The following DENND10 variants were observed in gnomAD, a reference collection of about 807,000 sequenced individuals.
DENND10 encodes DENN domain containing 10.
In DENND10, 24 loss-of-function variants were observed where a neutral mutation model predicts 43.6. That is an observed-to-expected ratio of 0.55 (90% CI 0.40 to 0.77). The LOEUF is 0.77. Among genes scored for constraint, DENND10 ranks in the 30% least tolerant of loss-of-function variants. The pLI, the probability that DENND10 is intolerant of heterozygous loss-of-function variation, is 0.00. For missense variants in DENND10, 303 were observed against 429.9 expected, an observed-to-expected ratio of 0.70 and a Z score of 2.61; for synonymous variants, 125 against 157.6, an observed-to-expected ratio of 0.79 and a Z score of 1.55.
At position 119,107,978 on chromosome 10, in the gene DENND10, A is replaced by G; in HGVS notation, c.66A>G (p.Thr22=). Residue 22 remains threonine, a synonymous_variant, in exon 2 of 9, where the codon ACA becomes ACG. Coordinates refer to ENST00000361432, the MANE Select transcript of DENND10 (RefSeq NM_207009.4). ...ATCTTTCCACCGTAGAAAAGGACAC[A>G]AATGGAGAAGTTCTGTGGGTGTGGT... ...MLGVGLIEKD[T]NGEVLWVWCY... The G allele has an allele frequency of 6.2e-7, 1 of 1,614,088 alleles. No individual in the cohort carries two copies. Among genetic ancestry groups the G allele is most frequent in the Non-Finnish European group, 8.5e-7 (1 of 1,179,908 alleles).
intron 5 of DENND10, 50 bp downstream of exon 5, chr10:119,120,502 G>A (rs758680511): frequency 1.3e-5 from 15 of 1,146,274 alleles, no homozygotes; most frequent in Admixed American, 8.5e-5. Context: ...CAGACAGTTC[G>A]CAGCACTAGA....
rs1844787070 is a variant in DENND10, at chr10:119,108,141, C to A, written c.229C>A (p.Pro77Thr). 6.2e-7 allele frequency: 1 copy of A among 1,612,150 alleles called. No homozygotes were observed. Among genetic ancestry groups the A allele is most frequent in the South Asian group, 1.1e-5 (1 of 90,980 alleles). The change falls in exon 2 of 9, where the codon CCA becomes ACA. Residue 77 changes from proline (P) to threonine (T), a missense_variant. Transcript: ENST00000361432. ...GTTTTATATCACAACAATTGAAGTT[C>A]CAGATTCTTCCATTTTGAAAAAGGT... ...TWFYITTIEVPDSSILKKVTH... is the reference protein window; with the variant it reads ...TWFYITTIEVTDSSILKKVTH...
At chr10:119,111,569 A>G (rs1844976941) in intron 2 of DENND10, among the ~76,000 whole-genome samples, 1 of 152,068 alleles carries the variant, frequency 6.6e-6, no homozygotes, top group African/African-American at 2.4e-5. Context: ...GGGGACATTA[A>G]GTAGAAATGT....
At chr10:119,136,245 G>A (rs1339056629) in intron 8 of DENND10, among the ~76,000 whole-genome samples, 2 of 151,544 alleles carry the variant, frequency 1.3e-5, no homozygotes, top group Admixed American at 6.6e-5. Context: ...TGCCCAGGCT[G>A]GAGTGCAGTG....
At chr10:119,119,357 G>C (rs1031613665) in intron 4 of DENND10, among the ~76,000 whole-genome samples, 2 of 152,102 alleles carry the variant, frequency 1.3e-5, no homozygotes, top group Non-Finnish European at 2.9e-5. Flanking sequence ...GGCCAGGCTG[G>C]TCTCGAACTC....
intron 1 of DENND10, among the ~76,000 whole-genome samples, chr10:119,106,910 A>G (rs1844722421): frequency 6.6e-6 from 1 of 151,800 alleles, no homozygotes; most frequent in Non-Finnish European, 1.5e-5. Flanking sequence ...ATTAGCCAGG[A>G]GTGGTGGTGC....
At position 119,129,592 on chromosome 10, in the gene DENND10, A is replaced by G; in HGVS notation, c.772A>G (p.Ser258Gly). ...TGATGTGTTTGTGAATCTGGCAGAG[A>G]GTGAGATTACCATTGCTCCCCTTGC... ...LYDVFVNLAE[S>G]EITIAPLAKE... Residue 258 changes from serine (S) to glycine (G), a missense_variant, in exon 7 of 9, where the codon AGT becomes GGT. Ser to Gly is a moderately conservative substitution (Grantham distance 56). Transcript: ENST00000361432. 1 of 1,612,544 alleles carries G rather than the reference A, an allele frequency of 6.2e-7. No homozygotes were observed. Among genetic ancestry groups the G allele is most frequent in the East Asian group, 2.2e-5 (1 of 44,882 alleles).
intron 1 of DENND10, chr10:119,105,487 G>A (rs1844648903): frequency 8.6e-7 from 1 of 1,162,480 alleles, no homozygotes; most frequent in Non-Finnish European, 1.1e-6. Context: ...ATACCGACAT[G>A]TTGTCCAGGT....
chr10:119,119,582 AATTTTTAAAC>A (rs1204979407), intron 4 of DENND10, among the ~76,000 whole-genome samples: 8 of 151,686 alleles, frequency 5.3e-5, no homozygotes, highest in Non-Finnish European at 8.8e-5. Flanking sequence ...AGCCCCAGCT[AATTTTTAAAC>A]ATTTTTTAGA....
rs553511126 is a variant in DENND10, at chr10:119,133,809, A to C, written c.897+1200A>C. On this transcript the variant is annotated intron_variant, in intron 8 of 8. Coordinates refer to ENST00000361432, the MANE Select transcript of DENND10 (RefSeq NM_207009.4). ...CTTCTTTCCTACCATGGGAATCCTC[A>C]CTGCCCACCTACCCCCAACATTAGA... The C allele has an allele frequency of 1.3e-3, 197 of 152,354 alleles. 1 individual carries two copies. Among genetic ancestry groups the C allele is most frequent in the African/African-American group, 4.6e-3 (191 of 41,486 alleles). 9.4% of individuals were successfully genotyped at this position (152,354 alleles called of 1,614,324 possible).
intron 8 of DENND10, chr10:119,134,322 G>T: frequency 6.6e-6 from 1 of 150,768 alleles, no homozygotes; most frequent in South Asian, 2.1e-4. Context: ...TTACAGGCAT[G>T]AGCCACCACG....
Position 119,120,273 on chromosome 10 carries a change from GAAAA to G in DENND10, c.482-62_482-59del, listed in dbSNP as rs1030469152. ...AAAAAAAAAAGAAAAAAGAAAAAAAGAAAAAAAAATCTTTATTTCTTTGCATGAT... is the reference window on the plus strand; with the variant it reads ...AAAAAAAAAAGAAAAAAGAAAAAAAGAAAAATCTTTATTTCTTTGCATGAT... On this transcript the variant is annotated intron_variant, in intron 4 of 8. Transcript: ENST00000361432. The G allele has an allele frequency of 1.2e-5, 12 of 1,034,572 alleles. No individual in the cohort carries two copies. The East Asian group carries it at 2.5e-4, about 22-fold the overall frequency. 64.1% of individuals were successfully genotyped at this position (1,034,572 alleles called of 1,614,324 possible). A position where few individuals can be genotyped will look rare whatever the true frequency, so the allele number is the denominator to read the frequency against.
intron 2 of DENND10, among the ~76,000 whole-genome samples, chr10:119,108,635 T>A (rs1319933460): frequency 3.9e-5 from 6 of 152,058 alleles, no homozygotes; most frequent in Non-Finnish European, 8.8e-5. Context: ...AGTACAGCAA[T>A]ATGTGGTCTT....
rs1448986410 is a variant in DENND10, at chr10:119,132,687, A to G, written c.897+78A>G. The G allele has an allele frequency of 5.9e-6, 7 of 1,186,684 alleles. No homozygotes were observed. In the African/African-American group the frequency reaches 7.5e-5, roughly 13 times the overall value. 73.5% of individuals were successfully genotyped at this position (1,186,684 alleles called of 1,614,324 possible). ...TGGTGTGCGGCAGAGCTGTGCACAT[A>G]AGCAGAGTGGGGGGCTGTGGTAGAG... On this transcript the variant is annotated intron_variant, in intron 8 of 8. Coordinates refer to ENST00000361432, the MANE Select transcript of DENND10 (RefSeq NM_207009.4). This position sits in a 1 kb window ranked among gnomAD's most constrained non-coding sequence, Gnocchi z 4.2.
At chr10:119,130,169 TA>T (rs1846017575) in intron 7 of DENND10, among the ~76,000 whole-genome samples, 1 of 151,636 alleles carries the variant, frequency 6.6e-6, no homozygotes, top group Admixed American at 6.6e-5. Flanking sequence ...CATGCTCAGC[TA>T]ATTTTTTTTT....
intron 7 of DENND10, among the ~76,000 whole-genome samples, chr10:119,131,240 C>T (rs769672758): frequency 1.8e-4 from 28 of 152,104 alleles, no homozygotes; most frequent in African/African-American, 5.6e-4. Context: ...GGGTGGATCA[C>T]GAGGTCAGGA....
At chr10:119,106,054 C>CGTGG (rs1167130151) in intron 1 of DENND10, among the ~76,000 whole-genome samples, 4 of 152,036 alleles carry the variant, frequency 2.6e-5, no homozygotes, top group Non-Finnish European at 5.9e-5. Context: ...ATTAACTGGG[C>CGTGG]GTGGTGGTGC....
intron 6 of DENND10, among the ~76,000 whole-genome samples, chr10:119,125,501 CTTTTTTTTTTT>C (rs34630434): frequency 7.6e-5 from 5 of 65,848 alleles, no homozygotes; most frequent in Admixed American, 5.1e-4. Context: ...TTCTAGTTTT[CTTTTTTTTTTT>C]TTTTTTTTTT....
chr10:119,118,999 A>T lies in DENND10; in HGVS notation c.481+1332A>T, dbSNP rs565805431. 1.4e-4 allele frequency among the ~76,000 whole-genome samples: 20 copies of T among 140,932 alleles called. No individual in the cohort carries two copies. In the East Asian group the frequency reaches 4.1e-3, roughly 29 times the overall value. The allele number at this position is 140,932 out of a possible 152,430, so 92.5% of individuals were successfully genotyped here. A position where few individuals can be genotyped will look rare whatever the true frequency, so the allele number is the denominator to read the frequency against. On this transcript the variant is annotated intron_variant, in intron 4 of 8. Transcript: ENST00000361432. ...GCTGGGACTACAGGCACCTGCCACCACACCCAGCTAATTTTTTTTTTTTTT... is the reference window on the plus strand; with the variant it reads ...GCTGGGACTACAGGCACCTGCCACCTCACCCAGCTAATTTTTTTTTTTTTT...
Sources: gnomAD v4.1 joint callset for allele counts (sites outside exome capture counted in the v4.1 genomes callset) on GRCh38, gnomAD v4.1.1 for gene constraint, Gnocchi (gnomAD v3.1) non-coding constraint, MANE v1.5 for transcripts, NCBI Gene and HGNC (gene_info 2026-07-23, HGNC 2026-07-21) for gene names.